Variants in VIT observed in about 807,000 individuals in gnomAD.
The protein encoded by VIT is vitrin.
Under a neutral mutation model 78.0 loss-of-function variants are expected in VIT, and 99 were observed. The ratio of observed to expected loss-of-function variants is 1.27; its 90% CI spans 1.08 to 1.50. The LOEUF is 1.50. VIT is among the 40% of genes most tolerant of loss of function. The probability of loss-of-function intolerance (pLI) is 0.00; values close to 1 mark genes in which losing one functional copy is unlikely to be tolerated. For missense variants in VIT, 1,126 were observed against 875.3 expected (o/e 1.29, Z -3.61); for synonymous variants, 374 against 334.3 (o/e 1.12, Z -1.29).
intron 12 of VIT, among the ~76,000 whole-genome samples, chr2:36,800,998 G>A (rs764645766): frequency 6.6e-5 from 10 of 152,136 alleles, no homozygotes; most frequent in South Asian, 2.1e-4. Context: ...CAACAGTCCC[G>A]TTCATTAGCA....
At chr2:36,795,365 ATT>A (rs1553379650) in intron 12 of VIT, among the ~76,000 whole-genome samples, 1 of 147,900 alleles carries the variant, frequency 6.8e-6, no homozygotes, top group Admixed American at 6.7e-5. Context: ...ATTTTATTTT[ATT>A]TATTTTATTT....
At chr2:36,787,036 A>T in intron 11 of VIT, 93 bp from the exon 12 acceptor site, 1 of 1,483,284 alleles carries the variant, frequency 6.7e-7, no homozygotes, top group Non-Finnish European at 9.3e-7. Flanking sequence ...TTCATTTCTC[A>T]GGGGGCTCTG....
intron 5 of VIT, among the ~76,000 whole-genome samples, chr2:36,756,341 T>A (rs1398995511): frequency 1.3e-5 from 2 of 152,206 alleles, no homozygotes; most frequent in Non-Finnish European, 2.9e-5. Flanking sequence ...CATGGGATTT[T>A]AAACTAGATT....
intron 15 of VIT, among the ~76,000 whole-genome samples, chr2:36,810,993 T>C (rs1558598387): frequency 6.6e-6 from 1 of 152,232 alleles, no homozygotes. Flanking sequence ...TGAAAGCTAC[T>C]TTCATTTCTT....
chr2:36,709,944 C>G (rs80324393), intron 1 of VIT, among the ~76,000 whole-genome samples: 1 of 152,114 alleles, frequency 6.6e-6, no homozygotes, highest in East Asian at 1.9e-4. Context: ...ACAATCAGAC[C>G]TGTGCTTTAG....
At chr2:36,706,792 G>A (rs1665454857) in intron 1 of VIT, among the ~76,000 whole-genome samples, 3 of 152,196 alleles carry the variant, frequency 2.0e-5, no homozygotes, top group African/African-American at 7.2e-5. Context: ...TTTGAAAAGT[G>A]AAAAGTACTA....
chr2:36,803,884 A>G (rs1045075959), intron 13 of VIT, among the ~76,000 whole-genome samples: 5 of 152,192 alleles, frequency 3.3e-5, no homozygotes, highest in Admixed American at 6.5e-5. Flanking sequence ...ACTTATATAC[A>G]CAAAATACTG....
At chr2:36,794,916 C>T (rs1665761174) in intron 12 of VIT, among the ~76,000 whole-genome samples, 1 of 151,784 alleles carries the variant, frequency 6.6e-6, no homozygotes, top group Non-Finnish European at 1.5e-5. Context: ...ATCTGTATGC[C>T]TCTGAAGATG....
intron 3 of VIT, among the ~76,000 whole-genome samples, chr2:36,733,344 C>CCT: frequency 6.9e-6 from 1 of 144,452 alleles, no homozygotes; most frequent in African/African-American, 2.9e-5. Flanking sequence ...CTCTCTCTCT[C>CCT]CCCCCCTCTC....
At chr2:36,801,781 A>C (rs1378922069) in intron 13 of VIT, among the ~76,000 whole-genome samples, 1 of 152,038 alleles carries the variant, frequency 6.6e-6, no homozygotes, top group Non-Finnish European at 1.5e-5. Context: ...ATCTGAAAAA[A>C]AAAAAAAAAA....
intron 12 of VIT, chr2:36,788,062 T>A (rs1665230874): frequency 3.6e-6 from 1 of 279,480 alleles, no homozygotes; most frequent in African/African-American, 2.3e-5. Context: ...CAAGCGTGCA[T>A]AATCTTAAAT....
At chr2:36,798,775 T>C (rs1666098752) in intron 12 of VIT, among the ~76,000 whole-genome samples, 1 of 151,808 alleles carries the variant, frequency 6.6e-6, no homozygotes, top group Non-Finnish European at 1.5e-5. Flanking sequence ...AATAAATAGA[T>C]AAAATTTTTA....
At chr2:36,711,080 C>G (rs1400078997) in intron 1 of VIT, among the ~76,000 whole-genome samples, 1 of 152,182 alleles carries the variant, frequency 6.6e-6, no homozygotes, top group African/African-American at 2.4e-5. Context: ...TAGTACGAGT[C>G]TTTTTAATTT....
chr2:36,718,830 C>A (rs1666320908), intron 2 of VIT, among the ~76,000 whole-genome samples: 1 of 152,190 alleles, frequency 6.6e-6, no homozygotes, highest in East Asian at 1.9e-4. Flanking sequence ...CTTTAGCAAA[C>A]AAAAAAATGG....
intron 11 of VIT, among the ~76,000 whole-genome samples, chr2:36,783,623 A>C (rs954015358): frequency 6.6e-6 from 1 of 152,182 alleles, no homozygotes; most frequent in African/African-American, 2.4e-5. Flanking sequence ...TAACATCACT[A>C]TGGCAACAGG....
At chr2:36,740,017 T>G (rs1195640551) in intron 3 of VIT, among the ~76,000 whole-genome samples, 1 of 152,252 alleles carries the variant, frequency 6.6e-6, no homozygotes, top group Non-Finnish European at 1.5e-5. Flanking sequence ...CCCCTCTGAC[T>G]GTTCTGGCAT....
chr2:36,716,314 G>C (rs1050303532), intron 1 of VIT, 39 bp from the exon 2 acceptor site: 4 of 1,576,042 alleles, frequency 2.5e-6, no homozygotes. Flanking sequence ...CAGAACCCCC[G>C]GCTGAAATAT....
chr2:36,761,575 C>T (rs1558548723), intron 6 of VIT, among the ~76,000 whole-genome samples: 2 of 152,080 alleles, frequency 1.3e-5, no homozygotes, highest in African/African-American at 2.4e-5. Flanking sequence ...TCCGTCTCTA[C>T]TAAAAATACG....
chr2:36,705,889 G>A (rs1017032014), intron 1 of VIT, among the ~76,000 whole-genome samples: 1 of 152,176 alleles, frequency 6.6e-6, no homozygotes, highest in Non-Finnish European at 1.5e-5. Context: ...GGCATTGCAG[G>A]ATGGTCAGTA....
Sources: gnomAD v4.1 joint callset for allele counts (sites outside exome capture counted in the v4.1 genomes callset) on GRCh38, gnomAD v4.1.1 for gene constraint, MANE v1.5 for transcripts, NCBI Gene and HGNC (gene_info 2026-07-23, HGNC 2026-07-21) for gene names.